The following WDR3 variants were observed in gnomAD, a reference collection of about 807,000 sequenced individuals.
WDR3 encodes WD repeat domain 3, also known as WD repeat-containing protein 3.
Under a neutral mutation model 123.7 loss-of-function variants are expected in WDR3, and 81 were observed. The ratio of observed to expected loss-of-function variants is 0.65; its 90% confidence interval spans 0.55 to 0.79. The LOEUF (loss-of-function observed/expected upper bound fraction) is 0.79. Ranked by LOEUF, WDR3 falls within the 30% of genes least tolerant of loss-of-function variation. The probability of loss-of-function intolerance (pLI) is 0.00; values close to 1 mark genes in which losing one functional copy is unlikely to be tolerated. For synonymous variants in WDR3, 390 were observed against 388.8 expected (o/e 1.00, Z -0.04); for missense variants, 1,027 against 1,123.2 (o/e 0.91, Z 1.22).
At chr1:117,950,754 A>G (rs1277465747) in intron 15 of WDR3, 80 bp from the exon 16 acceptor site, 10 of 1,222,696 alleles carry the variant, frequency 8.2e-6, no homozygotes, top group African/African-American at 4.6e-5. Context: ...ATGTGTTTAA[A>G]GTTATATTTT....
At position 117,941,748 on chromosome 1, in the gene WDR3, A is replaced by G. The variant is rs1403085046; in HGVS notation, c.892-2A>G. 2.5e-6 allele frequency: 4 copies of G among 1,608,044 alleles called. No homozygotes were observed. Among genetic ancestry groups the G allele is most frequent in the Non-Finnish European group, 3.4e-6 (4 of 1,178,664 alleles). ...ACTCACATTAACCTTTTGCCTTTCT[A>G]GGGAACTGACTCTGTGCTAGAATTG... On this transcript the variant is annotated splice_acceptor_variant, in intron 8 of 26. Coordinates refer to ENST00000349139, the MANE Select transcript of WDR3 (RefSeq NM_006784.3). LOFTEE classifies it high-confidence loss of function.
Position 117,943,397 on chromosome 1 carries a change from T to A in WDR3, c.1099T>A (p.Ser367Thr). ...ATTTATGATTATTTTCTTGTACAGGTCCTTTGACTTGATTCATTCACCTCA... is the reference window on the plus strand; with the variant it reads ...ATTTATGATTATTTTCTTGTACAGGACCTTTGACTTGATTCATTCACCTCA... The part of the protein sequence containing the change: ...TNIKTSAKIK[S>T]FDLIHSPHGE... The change falls in exon 11 of 27, where the codon TCC (serine) becomes ACC (threonine). Residue 367 changes from serine to threonine, a missense_variant and splice_region_variant. Transcript: ENST00000349139. 2 of 1,612,420 alleles carry A rather than the reference T, an allele frequency of 1.2e-6. No homozygotes were observed. Among genetic ancestry groups the A allele is most frequent in the Non-Finnish European group, 1.7e-6 (2 of 1,178,868 alleles).
intron 16 of WDR3, among the ~76,000 whole-genome samples, chr1:117,951,367 A>C (rs999967489): frequency 4.6e-5 from 7 of 151,620 alleles, no homozygotes; most frequent in Non-Finnish European, 7.4e-5. Context: ...GGCAATGTAT[A>C]TTAAAAACAA....
intron 2 of WDR3, 73 bp downstream of exon 2, chr1:117,933,563 G>A: frequency 6.3e-7 from 1 of 1,584,422 alleles, no homozygotes; most frequent in Non-Finnish European, 8.6e-7. Flanking sequence ...AAGTGGGGGG[G>A]CTCTGATTTA....
At chr1:117,953,721 CTT>C in intron 21 of WDR3, 180 bp downstream of exon 21, 2 of 640,764 alleles carry the variant, frequency 3.1e-6, no homozygotes, top group South Asian at 4.0e-5. Context: ...TCCTGAATCT[CTT>C]TGATCAATAT....
chr1:117,964,070 T>G lies in WDR3; in HGVS notation c.*4623T>G. 1 of 944,984 alleles carries G rather than the reference T, an allele frequency of 1.1e-6. No individual in the cohort carries two copies. Among genetic ancestry groups the G allele is most frequent in the Non-Finnish European group, 1.6e-6 (1 of 633,968 alleles). 58.5% of individuals were successfully genotyped at this position (944,984 alleles called of 1,614,324 possible). ...CAATTTTAGGTAACTGTCTATCCAA[T>G]GCAAATTCTGCATGCTCAGGCTTGG... On this transcript the variant is annotated 3_prime_UTR_variant, in exon 27 of 27. Transcript: ENST00000349139.
intron 8 of WDR3, 134 bp downstream of exon 8, chr1:117,941,359 T>C: frequency 1.3e-6 from 1 of 772,786 alleles, no homozygotes; most frequent in Non-Finnish European, 2.0e-6. Context: ...TGTGTGGACC[T>C]ATAATCTCTA....
Position 117,946,132 on chromosome 1 carries a change from T to C in WDR3, c.1375T>C (p.Cys459Arg). 1 of 1,613,456 alleles carries C rather than the reference T, an allele frequency of 6.2e-7. No homozygotes were observed. The highest frequency in any genetic ancestry group is 8.5e-7 in the Non-Finnish European group (1 of 1,179,588). The change falls in exon 12 of 27, where the codon TGC becomes CGC. Residue 459 changes from cysteine to arginine, a missense_variant. Cys to Arg is a radical substitution (Grantham distance 180). Transcript: ENST00000349139. ...IRTMTCEYAL[C>R]SFFVPGDRQV... The stretch of plus-strand genomic sequence containing the variant: ...CACAATGACCTGTGAATATGCACTT[T>C]GCTCATTCTTTGTACCTGGTGATAG...
rs769760311 is a variant in WDR3 at position 117,957,053 on chromosome 1, T to C, written c.2454-15T>C. Reference sequence around the variant, plus strand: ...AACAAATGTGGCATTTTTATATTTATTTTTTCTTTTTCAGTGAGCTGGAAG... The same window carrying C: ...AACAAATGTGGCATTTTTATATTTACTTTTTCTTTTTCAGTGAGCTGGAAG... On this transcript the variant is annotated splice_polypyrimidine_tract_variant and intron_variant, in intron 24 of 26. Coordinates refer to ENST00000349139, the MANE Select transcript of WDR3 (RefSeq NM_006784.3). The C allele has an allele frequency of 2.6e-6, 4 of 1,548,132 alleles. No individual in the cohort carries two copies. The highest frequency in any genetic ancestry group is 2.4e-5 in the East Asian group (1 of 42,476).
chr1:117,935,638 C>G (rs2101193846), intron 3 of WDR3, among the ~76,000 whole-genome samples: 1 of 151,942 alleles, frequency 6.6e-6, no homozygotes, highest in Non-Finnish European at 1.5e-5. Flanking sequence ...AAAGCTTTAC[C>G]TCATGCTATA....
At chr1:117,933,602 C>T (rs763934698) in intron 2 of WDR3, 112 bp downstream of exon 2, 1 of 1,422,492 alleles carries the variant, frequency 7.0e-7, no homozygotes. Context: ...GTGTCTGTGC[C>T]CTTAGAAGAA....
intron 7 of WDR3, 34 bp downstream of exon 7, chr1:117,940,974 T>C: frequency 6.3e-7 from 1 of 1,596,464 alleles, no homozygotes; most frequent in Non-Finnish European, 8.5e-7. Flanking sequence ...TTTAATTGTG[T>C]TGAATAATGG....
chr1:117,935,656 A>G (rs1650918729), intron 3 of WDR3, among the ~76,000 whole-genome samples: 1 of 152,120 alleles, frequency 6.6e-6, no homozygotes, highest in Middle Eastern at 3.8e-3. Flanking sequence ...ATATACCAAA[A>G]TGAAACAAAG....
intron 3 of WDR3, among the ~76,000 whole-genome samples, chr1:117,935,800 G>A (rs146631293): frequency 0.013 from 1,951 of 151,936 alleles, 20 homozygotes; most frequent in Middle Eastern, 0.056. Context: ...TTGGTAGATT[G>A]GAATACTTGA....
At position 117,953,488 on chromosome 1, in the gene WDR3, A is replaced by C; in HGVS notation, c.2215A>C (p.Thr739Pro). ...TTGTTTCTGGCAGGTTCCAGGAGAG[A>C]CTCAAGGTGACAGTTACTTTACTGG... The part of the protein sequence containing the change: ...KEDQPAVPGE[T>P]QGDSYFTGKK... Residue 739 changes from threonine (T) to proline (P), a missense_variant, in exon 21 of 27, where the codon ACT becomes CCT. Coordinates refer to ENST00000349139, the MANE Select transcript of WDR3 (RefSeq NM_006784.3). 2 of 1,612,824 alleles carry C rather than the reference A, an allele frequency of 1.2e-6. No homozygotes were observed. Among genetic ancestry groups the C allele is most frequent in the Non-Finnish European group, 1.7e-6 (2 of 1,179,148 alleles).
intron 8 of WDR3, among the ~76,000 whole-genome samples, 180 bp downstream of exon 8, chr1:117,941,405 A>G (rs1378699155): frequency 6.6e-6 from 1 of 152,212 alleles, no homozygotes; most frequent in African/African-American, 2.4e-5. Context: ...ATTAATAATT[A>G]CTATTAGGTT....
At position 117,950,061 on chromosome 1, in the gene WDR3, C is replaced by T; in HGVS notation, c.1677C>T (p.Pro559=). The T allele has an allele frequency of 1.2e-6, 2 of 1,613,902 alleles. No individual in the cohort carries two copies. The highest frequency in any genetic ancestry group is 1.7e-6 in the Non-Finnish European group (2 of 1,179,920). Residue 559 remains proline, a synonymous_variant, in exon 15 of 27, where the codon CCC becomes CCT. Coordinates refer to ENST00000349139, the MANE Select transcript of WDR3 (RefSeq NM_006784.3). ...ATGTTCTGTGTGTCAGTTACTCTCC[C>T]AATCAAAAGCTATTGGCTGTGTCTT... ...DEDVLCVSYS[P]NQKLLAVSLL... is the part of the protein sequence containing the mutation.
rs796686219 is a variant in WDR3, at chr1:117,963,090, A to G, written c.*3643A>G. The G allele has an allele frequency of 7.9e-5, 12 of 152,342 alleles. No individual in the cohort carries two copies. The highest frequency in any genetic ancestry group is 2.9e-4 in the African/African-American group (12 of 41,558). The allele number at this position is 152,342 out of a possible 1,614,324, so 9.4% of individuals were successfully genotyped here. ...TTTCTGAGGTTTTTGGGATCCAAGC[A>G]GCCCTGGTATGTTTTTAGAACACAG... On this transcript the variant is annotated 3_prime_UTR_variant, in exon 27 of 27. Coordinates refer to ENST00000349139, the MANE Select transcript of WDR3 (RefSeq NM_006784.3).
At chr1:117,954,437 A>T in intron 22 of WDR3, 143 bp from the exon 23 acceptor site, 1 of 753,452 alleles carries the variant, frequency 1.3e-6, no homozygotes, top group Non-Finnish European at 2.1e-6. Flanking sequence ...AACAGGTTTG[A>T]TAATTCTTTT....
Sources: allele counts gnomAD v4.1 joint callset (sites outside exome capture counted in the v4.1 genomes callset), GRCh38; gene constraint gnomAD v4.1.1; transcripts MANE v1.5; gene names NCBI Gene and HGNC (gene_info 2026-07-23, HGNC 2026-07-21).